Variants in CDC42EP4 observed in about 807,000 individuals in gnomAD.
CDC42EP4 encodes the protein CDC42 effector protein (Rho GTPase binding) 4.
A neutral mutation model predicts 5.6 loss-of-function variants in CDC42EP4; 6 were observed. The ratio of observed to expected loss-of-function variants is 1.07; its 90% CI spans 0.59 to 2.12. The LOEUF is 2.12. Ranked by LOEUF, CDC42EP4 falls within the 30% of genes most tolerant of loss-of-function variation. The pLI is 0.00. For missense variants in CDC42EP4, 490 were observed against 508.6 expected (o/e 0.96, Z 0.35); for synonymous variants, 230 against 224.2 (o/e 1.03, Z -0.23).
intron 1 of CDC42EP4, among the ~76,000 whole-genome samples, chr17:73,308,526 T>C (rs1351074017): frequency 1.3e-5 from 2 of 152,156 alleles, no homozygotes; most frequent in Non-Finnish European, 2.9e-5. Context: ...CCCTGACCAC[T>C]CTGACTTCTG....
chr17:73,286,134 T>G lies in CDC42EP4; in HGVS notation c.367A>C (p.Asn123His). ...VKNAMSLPQL[N>H]EKEAAEKGTS... ...CCCTTCTCCGCGGCCTCCTTCTCAT[T>G]GAGCTGGGGCAGGGACATGGCATTC... The change falls in exon 2 of 2, where the codon AAT (asparagine) becomes CAT (histidine). Residue 123 changes from asparagine to histidine, a missense_variant. Asn to His is a moderately conservative substitution (Grantham distance 68). Coordinates refer to ENST00000335793, the MANE Select transcript of CDC42EP4 (RefSeq NM_012121.5). The surrounding 1 kb of genome is among the most constrained non-coding windows in gnomAD (Gnocchi z 7.7). 6.2e-7 allele frequency: 1 copy of G among 1,614,038 alleles called. No individual in the cohort carries two copies. The highest frequency in any genetic ancestry group is 1.1e-5 in the South Asian group (1 of 91,086).
intron 1 of CDC42EP4, among the ~76,000 whole-genome samples, chr17:73,301,029 A>G (rs918913860): frequency 6.6e-6 from 1 of 151,834 alleles, no homozygotes; most frequent in African/African-American, 2.4e-5. Context: ...CTGGGCAAAA[A>G]AGAGTGAAAC....
At chr17:73,297,970 AAAAC>A (rs1324850161) in intron 1 of CDC42EP4, among the ~76,000 whole-genome samples, 14 of 150,108 alleles carry the variant, frequency 9.3e-5, no homozygotes, top group East Asian at 7.8e-4. Context: ...TTTTCTTTTT[AAAAC>A]AAACAAACAA....
intron 1 of CDC42EP4, among the ~76,000 whole-genome samples, chr17:73,304,471 A>T (rs2062234978): frequency 6.6e-6 from 1 of 151,764 alleles, no homozygotes; most frequent in African/African-American, 2.4e-5. Flanking sequence ...ACTTTATCTC[A>T]TGTATTCTTC....
At chr17:73,290,637 C>G (rs192640465) in intron 1 of CDC42EP4, among the ~76,000 whole-genome samples, 39 of 152,302 alleles carry the variant, frequency 2.6e-4, no homozygotes, top group Admixed American at 2.5e-3. Flanking sequence ...AAACAGCAGC[C>G]TTGAGTGAGA....
At chr17:73,296,917 C>T (rs1448966512) in intron 1 of CDC42EP4, among the ~76,000 whole-genome samples, 9 of 115,426 alleles carry the variant, frequency 7.8e-5, no homozygotes, top group Admixed American at 2.0e-4. Context: ...GGAGGCGGAG[C>T]TTGCAGTGAG....
intron 1 of CDC42EP4, among the ~76,000 whole-genome samples, chr17:73,303,554 T>C (rs57320107): frequency 0.048 from 7,252 of 149,906 alleles, 418 homozygotes; most frequent in African/African-American, 0.13. Context: ...GCCAGCTACT[T>C]GGGAGGCTGA....
chr17:73,289,980 G>T (rs1042474985), intron 1 of CDC42EP4, among the ~76,000 whole-genome samples: 3 of 152,166 alleles, frequency 2.0e-5, no homozygotes, highest in African/African-American at 4.8e-5. Flanking sequence ...AGGGAAAAAG[G>T]CCAAGCTTCA....
At position 73,296,996 on chromosome 17, in the gene CDC42EP4, A is replaced by AC. The variant is rs1374082498; in HGVS notation, c.-112-10385_-112-10384insG. On this transcript the variant is annotated intron_variant, in intron 1 of 1. Coordinates refer to ENST00000335793, the MANE Select transcript of CDC42EP4 (RefSeq NM_012121.5). The stretch of plus-strand genomic sequence containing the variant: ...ACTCCGTCTCAAAAAAAAAAAAAAA[A>AC]AAAAAAAATACACAAGGCCAAGCGC... Among the ~76,000 whole-genome samples the AC allele has an allele frequency of 1.3e-3, 163 of 128,438 alleles. 14 individuals carry two copies. Among genetic ancestry groups the AC allele is most frequent in the African/African-American group, 4.1e-3 (147 of 35,564 alleles). The allele number at this position is 128,438 out of a possible 152,430, so 84.3% of individuals were successfully genotyped here. A position where few individuals can be genotyped will look rare whatever the true frequency, so the allele number is the denominator to read the frequency against.
At chr17:73,303,043 C>CAAAAAAAAAAAAAAAAAAA (rs554983651) in intron 1 of CDC42EP4, among the ~76,000 whole-genome samples, 1 of 116,852 alleles carries the variant, frequency 8.6e-6, no homozygotes, top group African/African-American at 3.7e-5. Flanking sequence ...GACTCCGTCT[C>CAAAAAAAAAAAAAAAAAAA]AAAAAAAAAA....
At chr17:73,297,823 T>C (rs2062196545) in intron 1 of CDC42EP4, among the ~76,000 whole-genome samples, 1 of 151,786 alleles carries the variant, frequency 6.6e-6, no homozygotes, top group East Asian at 2.0e-4. Context: ...GACGGCCAGT[T>C]AATTTTTATA....
intron 1 of CDC42EP4, among the ~76,000 whole-genome samples, chr17:73,287,014 C>G (rs1480742521): frequency 6.6e-6 from 1 of 152,196 alleles, no homozygotes; most frequent in African/African-American, 2.4e-5. Context: ...TGAGTTGGCT[C>G]CTATGAACAG....
chr17:73,286,308 A>AGGACTCGCCGTC lies in CDC42EP4; in HGVS notation c.181_192dup (p.Asp61_Ser64dup). ...GATGAAGAAGAGGGCTGTTCGTCCAAGGACTCGCCGTCGGGCTCGCCAGCC... is the reference window on the plus strand; with the variant it reads ...GATGAAGAAGAGGGCTGTTCGTCCAAGGACTCGCCGTCGGACTCGCCGTCGGGCTCGCCAGCC... On this transcript the variant is annotated inframe_insertion, in exon 2 of 2. Transcript: ENST00000335793. This position sits in a 1 kb window ranked among gnomAD's most constrained non-coding sequence, Gnocchi z 7.7. 1.9e-6 allele frequency: 3 copies of AGGACTCGCCGTC among 1,614,224 alleles called. No individual in the cohort carries two copies. Among genetic ancestry groups the AGGACTCGCCGTC allele is most frequent in the Non-Finnish European group, 2.5e-6 (3 of 1,180,048 alleles).
intron 1 of CDC42EP4, among the ~76,000 whole-genome samples, chr17:73,287,179 C>T (rs984890195): frequency 6.6e-6 from 1 of 152,208 alleles, no homozygotes; most frequent in Admixed American, 6.5e-5. Context: ...CCTCCCCCTG[C>T]GTGGGCGGCA....
chr17:73,304,980 TC>T (rs1336384175), intron 1 of CDC42EP4, among the ~76,000 whole-genome samples: 3 of 151,870 alleles, frequency 2.0e-5, no homozygotes, highest in African/African-American at 7.3e-5. Context: ...CTTATCCTCA[TC>T]CCCATCCCAG....
At chr17:73,290,397 C>A (rs1270660830) in intron 1 of CDC42EP4, among the ~76,000 whole-genome samples, 3 of 152,194 alleles carry the variant, frequency 2.0e-5, no homozygotes, top group Admixed American at 2.0e-4. Flanking sequence ...CCAACAGCTG[C>A]TTCAAGAAGG....
Position 73,296,980 on chromosome 17 carries a change from C to CA in CDC42EP4, c.-112-10369dup, listed in dbSNP as rs35158994. Among the ~76,000 whole-genome samples, 34 of 18,094 alleles carry CA rather than the reference C, an allele frequency of 1.9e-3. 1 individual carries two copies. The highest frequency in any genetic ancestry group is 0.12 in the Middle Eastern group (1 of 8). The allele number at this position is 18,094 out of a possible 152,430, so 11.9% of individuals were successfully genotyped here. ...TGGGCGAAAGAGCAAGACTCCGTCT[C>CA]AAAAAAAAAAAAAAAAAAAAAAAAT... On this transcript the variant is annotated intron_variant, in intron 1 of 1. Transcript: ENST00000335793.
At chr17:73,310,356 G>T (rs558706995) in intron 1 of CDC42EP4, among the ~76,000 whole-genome samples, 1 of 152,098 alleles carries the variant, frequency 6.6e-6, no homozygotes, top group Non-Finnish European at 1.5e-5. Flanking sequence ...ATTTACACTC[G>T]CTGGATGGGA....
At position 73,285,694 on chromosome 17, in the gene CDC42EP4, A is replaced by G. The variant is rs749751602; in HGVS notation, c.807T>C (p.Ala269=). The G allele has an allele frequency of 2.2e-5, 35 of 1,571,512 alleles. No homozygotes were observed. The highest frequency in any genetic ancestry group is 2.8e-5 in the Non-Finnish European group (32 of 1,153,716). The part of the protein sequence containing the change: ...APPLARQEGK[A]GPDLPSLPSH... ...AGGGGAGGGAGGGCAAGTCTGGGCC[A>G]GCCTTGCCTTCCTGCCTTGCCAGGG... is the stretch of plus-strand genomic sequence containing the variant. The change falls in exon 2 of 2, where the codon GCT becomes GCC. Residue 269 remains alanine (A), a synonymous_variant. Coordinates refer to ENST00000335793, the MANE Select transcript of CDC42EP4 (RefSeq NM_012121.5). The surrounding 1 kb of genome is among the most constrained non-coding windows in gnomAD (Gnocchi z 6.8).
Sources: gnomAD v4.1 joint callset for allele counts (sites outside exome capture counted in the v4.1 genomes callset) on GRCh38, gnomAD v4.1.1 for gene constraint, Gnocchi (gnomAD v3.1) non-coding constraint, MANE v1.5 for transcripts, NCBI Gene and HGNC (gene_info 2026-07-23, HGNC 2026-07-21) for gene names.